Variants in MID1 observed in about 807,000 individuals in gnomAD.
MID1 encodes E3 ubiquitin-protein ligase Midline-1.
In MID1, 7 loss-of-function variants were observed where a neutral mutation model predicts 40.4. The ratio of observed to expected loss-of-function variants is 0.17; its 90% CI spans 0.10 to 0.33. The LOEUF (loss-of-function observed/expected upper bound fraction) is 0.33, where lower values mean the gene tolerates loss of function less well. Among genes scored for constraint, MID1 ranks in the 10% least tolerant of loss-of-function variants. The pLI is 1.00. For synonymous variants in MID1, 229 were observed against 221.2 expected (o/e 1.04, Z -0.31); for missense variants, 367 against 558.5 (o/e 0.66, Z 3.46).
intron 2 of MID1, among the ~76,000 whole-genome samples, chrX:10,566,313 GT>G (rs201949736): frequency 0.012 from 1,353 of 111,343 alleles, 29 homozygotes; most frequent in African/African-American, 0.042. Flanking sequence ...GCTGGATATC[GT>G]TTATACAAGG....
chrX:10,766,498 T>C (rs763672701), intron 1 of MID1, among the ~76,000 whole-genome samples: 1 of 112,209 alleles, frequency 8.9e-6, no homozygotes, highest in Non-Finnish European at 1.9e-5. Context: ...TTGAGATTTC[T>C]TCAGAATACA....
intron 1 of MID1, among the ~76,000 whole-genome samples, chrX:10,613,766 G>GAGACAGACAGAC (rs1328764093): frequency 1.3e-5 from 1 of 75,808 alleles, no homozygotes; most frequent in African/African-American, 6.2e-5. Flanking sequence ...GAGAGAGAGA[G>GAGACAGACAGAC]AGACAGACAG....
chrX:10,677,274 C>T (rs2043029006), intron 1 of MID1, among the ~76,000 whole-genome samples: 1 of 111,529 alleles, frequency 9.0e-6, no homozygotes, highest in Non-Finnish European at 1.9e-5. Flanking sequence ...AAGGCATGAC[C>T]TTCTTTAAGA....
chrX:10,573,094 T>C lies in MID1; in HGVS notation c.-56-5491A>G, dbSNP rs183983337. 5.3e-3 allele frequency among the ~76,000 whole-genome samples: 600 copies of C among 112,545 alleles called. 5 individuals carry two copies. Among genetic ancestry groups the C allele is most frequent in the African/African-American group, 0.018 (558 of 30,993 alleles). On this transcript the variant is annotated intron_variant, in intron 1 of 9. Transcript: ENST00000317552. ...TCGTGGGAGGCATTGGATACATCTT[T>C]TGAAAAAACTTTCTTATAGATTCAA...
chrX:10,619,275 G>A lies in MID1; in HGVS notation c.-57+1015C>T, dbSNP rs375873278. ...CTTCCCCCAAAGTGTGCAGGGTGGCGAGCACCCAACCCACTTAGAAGAAAA... is the reference window on the plus strand; with the variant it reads ...CTTCCCCCAAAGTGTGCAGGGTGGCAAGCACCCAACCCACTTAGAAGAAAA... On this transcript the variant is annotated intron_variant, in intron 1 of 9. Transcript: ENST00000317552. Among the ~76,000 whole-genome samples the A allele has an allele frequency of 4.0e-3, 446 of 112,232 alleles. 5 individuals are homozygous for A. Among genetic ancestry groups the A allele is most frequent in the African/African-American group, 0.014 (422 of 30,881 alleles).
chrX:10,584,817 A>G (rs1291602258), intron 1 of MID1, among the ~76,000 whole-genome samples: 2 of 110,407 alleles, frequency 1.8e-5, no homozygotes, highest in Non-Finnish European at 3.8e-5. Context: ...CGCAGACAAA[A>G]CTCCTCAGAC....
intron 1 of MID1, among the ~76,000 whole-genome samples, chrX:10,720,528 C>A (rs2043343627): frequency 8.9e-6 from 1 of 111,749 alleles, no homozygotes; most frequent in African/African-American, 3.3e-5. Context: ...GAATGGCGAT[C>A]ATTCAAAAGT....
intron 6 of MID1, among the ~76,000 whole-genome samples, chrX:10,473,673 T>C (rs569251508): frequency 8.9e-6 from 1 of 112,442 alleles, no homozygotes; most frequent in South Asian, 3.7e-4. Context: ...GTTAGAGACG[T>C]GGTCTCTTGA....
intron 5 of MID1, among the ~76,000 whole-genome samples, chrX:10,481,585 G>A (rs1317518935): frequency 9.0e-5 from 10 of 111,126 alleles, no homozygotes; most frequent in East Asian, 2.8e-4. Context: ...GATTACAGGC[G>A]CCTGCCACCA....
intron 1 of MID1, among the ~76,000 whole-genome samples, chrX:10,577,314 C>T (rs1934897574): frequency 8.9e-6 from 1 of 111,890 alleles, no homozygotes; most frequent in Non-Finnish European, 1.9e-5. Flanking sequence ...ACTCATTTGC[C>T]TTTGGGGCCT....
intron 1 of MID1, among the ~76,000 whole-genome samples, chrX:10,582,216 T>C (rs1379571438): frequency 1.8e-5 from 2 of 111,286 alleles, no homozygotes; most frequent in African/African-American, 6.6e-5. Context: ...GACTGCAAGT[T>C]AGCCTGCCCA....
At chrX:10,727,406 A>G (rs1045963245) in intron 1 of MID1, among the ~76,000 whole-genome samples, 5 of 113,022 alleles carry the variant, frequency 4.4e-5, no homozygotes, top group Non-Finnish European at 1.9e-5. Context: ...GGCGTGAGCC[A>G]CTGTGCCCAG....
At chrX:10,486,280 T>C (rs1930611857) in intron 4 of MID1, among the ~76,000 whole-genome samples, 1 of 112,074 alleles carries the variant, frequency 8.9e-6, no homozygotes, top group Non-Finnish European at 1.9e-5. Flanking sequence ...AGGGGCAAAA[T>C]AAGGCAGTTG....
chrX:10,731,195 G>A (rs1050908261), intron 1 of MID1, among the ~76,000 whole-genome samples: 16 of 111,402 alleles, frequency 1.4e-4, no homozygotes, highest in African/African-American at 4.6e-4. Context: ...AAAACAAATT[G>A]CCAAGCAGTA....
Position 10,642,112 on chromosome X carries a change from A to T in MID1, c.-186-21693T>A, listed in dbSNP as rs767243842. On this transcript the variant is annotated intron_variant, in intron 1 of 10. Coordinates refer to the MID1 transcript ENST00000380785. Reference sequence around the variant, plus strand: ...TTCCCTTTGAAAACTGGCACAAGACAGGGATGCCCTCTCTCACCACTCCTA... The same window carrying T: ...TTCCCTTTGAAAACTGGCACAAGACTGGGATGCCCTCTCTCACCACTCCTA... 2.7e-5 allele frequency among the ~76,000 whole-genome samples: 3 copies of T among 112,152 alleles called. No individual in the cohort carries two copies. In the East Asian group the frequency reaches 8.4e-4, roughly 31 times the overall value.
At chrX:10,653,549 T>C (rs1397723366) in intron 1 of MID1, among the ~76,000 whole-genome samples, 1 of 112,595 alleles carries the variant, frequency 8.9e-6, no homozygotes, top group African/African-American at 3.2e-5. Flanking sequence ...GGGGATGAGG[T>C]CTGTGCCTCC....
chrX:10,699,153 T>C (rs1299353641), intron 1 of MID1, among the ~76,000 whole-genome samples: 2 of 112,180 alleles, frequency 1.8e-5, no homozygotes, highest in African/African-American at 6.5e-5. Context: ...TAATCTTTTT[T>C]TTCAAGTTTA....
chrX:10,447,216 C>A lies in MID1; in HGVS notation c.*2152G>T, dbSNP rs1224765505. On this transcript the variant is annotated 3_prime_UTR_variant, in exon 10 of 10. Coordinates refer to ENST00000317552, the MANE Select transcript of MID1 (RefSeq NM_000381.4). ...GTCCTTATAAAAATAGCCAAACATA[C>A]CCTAAATGGCTTACTGTGAAAATTT... 1.8e-5 allele frequency: 2 copies of A among 111,432 alleles called. No homozygotes were observed. Among genetic ancestry groups the A allele is most frequent in the Non-Finnish European group, 3.8e-5 (2 of 53,123 alleles). 9.2% of individuals were successfully genotyped at this position (111,432 alleles called of 1,213,427 possible). A position where few individuals can be genotyped will look rare whatever the true frequency, so the allele number is the denominator to read the frequency against.
intron 4 of MID1, among the ~76,000 whole-genome samples, chrX:10,490,501 T>C (rs1930885676): frequency 8.9e-6 from 1 of 111,774 alleles, no homozygotes; most frequent in Admixed American, 9.5e-5. Context: ...TCTGTTAATG[T>C]GGTTCTGTTA....
Sources: allele counts gnomAD v4.1 joint callset (sites outside exome capture counted in the v4.1 genomes callset), GRCh38; gene constraint gnomAD v4.1.1; transcripts MANE v1.5; gene names NCBI Gene and HGNC (gene_info 2026-07-23, HGNC 2026-07-21).